The following PCDHA5 variants were observed in gnomAD, a reference collection of about 807,000 sequenced individuals.
PCDHA5 encodes the protein protocadherin alpha-5.
PCDHA5 carries 43 observed loss-of-function variants against 61.6 expected under a neutral mutation model. That is an observed-to-expected ratio of 0.70 (90% CI 0.55 to 0.90). The LOEUF is 0.90. Among genes scored for constraint, PCDHA5 ranks in the 40% least tolerant of loss-of-function variants. The pLI, the probability that PCDHA5 is intolerant of heterozygous loss-of-function variation, is 0.00. For missense variants in PCDHA5, 1,298 were observed against 1,222.7 expected (o/e 1.06, Z -0.92); for synonymous variants, 627 against 543.9 (o/e 1.15, Z -2.13).
chr5:140,829,961 G>T, intron 1 of PCDHA5: 2 of 1,613,994 alleles, frequency 1.2e-6, no homozygotes, highest in Non-Finnish European at 1.7e-6. Flanking sequence ...CCCGTTTCGC[G>T]TGGGGCTGTA....
intron 1 of PCDHA5, chr5:140,828,380 G>A: frequency 6.2e-7 from 1 of 1,603,638 alleles, no homozygotes; most frequent in South Asian, 1.1e-5. Flanking sequence ...GGAGCTGTGC[G>A]GGCGGAGCGC....
chr5:140,983,588 C>G (rs530448589), intron 3 of PCDHA5, among the ~76,000 whole-genome samples: 1 of 152,152 alleles, frequency 6.6e-6, no homozygotes, highest in African/African-American at 2.4e-5. Context: ...TACATCTATT[C>G]TACATATGAG....
chr5:140,939,340 A>G (rs1337369012), intron 1 of PCDHA5, among the ~76,000 whole-genome samples: 1 of 152,178 alleles, frequency 6.6e-6, no homozygotes, highest in Non-Finnish European at 1.5e-5. Flanking sequence ...AGGGGTTAGC[A>G]TTTCAACTTA....
chr5:140,853,365 G>C (rs2150531166), intron 1 of PCDHA5: 504,759 of 981,110 alleles, frequency 0.51, 151,971 homozygotes, highest in South Asian at 0.62. Flanking sequence ...CAGGGATCCA[G>C]AGATGGTAAA....
At chr5:140,877,995 T>A in intron 1 of PCDHA5, 1 of 1,054,404 alleles carries the variant, frequency 9.5e-7, no homozygotes. Context: ...AACTTTTATG[T>A]ATTTGTCTAA....
At chr5:140,827,212 TAAAGG>T (rs2150084173) in intron 1 of PCDHA5, among the ~76,000 whole-genome samples, 1 of 152,096 alleles carries the variant, frequency 6.6e-6, no homozygotes, top group Admixed American at 6.5e-5. Flanking sequence ...TGAGAACAAT[TAAAGG>T]AAAGGATATG....
At chr5:140,968,353 C>A (rs1377792748) in intron 1 of PCDHA5, 1 of 1,614,106 alleles carries the variant, frequency 6.2e-7, no homozygotes, top group Non-Finnish European at 8.5e-7. Context: ...GTGCCAGTGG[C>A]AGCCTTTATG....
intron 1 of PCDHA5, among the ~76,000 whole-genome samples, chr5:140,914,386 G>A (rs565819670): frequency 2.6e-5 from 4 of 152,216 alleles, no homozygotes; most frequent in East Asian, 1.9e-4. Flanking sequence ...TGTTATAAGT[G>A]TAGTTACCCC....
At position 140,978,952 on chromosome 5, in the gene PCDHA5, C is replaced by T. The variant is rs374951627; in HGVS notation, c.2356C>T (p.Arg786Ter). Residue 786 changes from arginine (R) to a stop codon, truncating the protein, a stop_gained, in exon 2 of 4, where the codon CGA (arginine) becomes TGA (stop). Coordinates refer to ENST00000529859, the MANE Select transcript of PCDHA5 (RefSeq NM_018908.3). LOFTEE classifies it high-confidence loss of function. ...PQGPTSTDNP[R>*]QPNPDWRYSA... ...AACTCTCTTTGTGATTTTGCAGCCA[C>T]GACAGCCCAACCCTGACTGGCGTTA... is the stretch of plus-strand genomic sequence containing the variant. 5.0e-6 allele frequency: 8 copies of T among 1,614,018 alleles called. No individual in the cohort carries two copies. The highest frequency in any genetic ancestry group is 2.2e-5 in the South Asian group (2 of 91,070).
At chr5:140,966,741 G>A in intron 1 of PCDHA5, 1 of 1,421,320 alleles carries the variant, frequency 7.0e-7, no homozygotes, top group Non-Finnish European at 9.1e-7. Context: ...GGCCCTGCCC[G>A]GCTGCCTCCG....
At position 140,821,905 on chromosome 5, in the gene PCDHA5, G is replaced by T. The variant is rs2150111828; in HGVS notation, c.130G>T (p.Val44Phe). Residue 44 changes from valine to phenylalanine, a missense_variant, in exon 1 of 4, where the codon GTT becomes TTT. Transcript: ENST00000529859. Reference sequence around the variant, plus strand: ...GGAGGAAGCCAAACACGGAACCTTCGTTGGCCGCATCGCGCAGGACCTAGG... The same window carrying T: ...GGAGGAAGCCAAACACGGAACCTTCTTTGGCCGCATCGCGCAGGACCTAGG... The part of the protein sequence containing the change: ...IPEEAKHGTF[V>F]GRIAQDLGLE... 1 of 1,614,238 alleles carries T rather than the reference G, an allele frequency of 6.2e-7. No homozygotes were observed. The highest frequency in any genetic ancestry group is 8.5e-7 in the Non-Finnish European group (1 of 1,180,040).
chr5:140,994,272 CT>C (rs1359828811), intron 3 of PCDHA5, among the ~76,000 whole-genome samples: 4 of 152,168 alleles, frequency 2.6e-5, no homozygotes, highest in African/African-American at 9.7e-5. Flanking sequence ...GCTAGGCTGC[CT>C]TTCTTGAGAC....
chr5:140,983,665 A>G (rs1161885514), intron 3 of PCDHA5, among the ~76,000 whole-genome samples: 3 of 152,248 alleles, frequency 2.0e-5, no homozygotes, highest in Non-Finnish European at 4.4e-5. Flanking sequence ...GGCAGAGGGT[A>G]GGATTCAAAC....
chr5:140,968,257 T>A (rs781932747), intron 1 of PCDHA5: 1 of 1,614,064 alleles, frequency 6.2e-7, no homozygotes, highest in Non-Finnish European at 8.5e-7. Flanking sequence ...CAGACCCAGA[T>A]GAAAAGGAGA....
chr5:140,886,558 T>G (rs535461538), intron 1 of PCDHA5, among the ~76,000 whole-genome samples: 1 of 152,202 alleles, frequency 6.6e-6, no homozygotes, highest in South Asian at 2.1e-4. Flanking sequence ...CTGGGCACGG[T>G]GGCTCACGCC....
At chr5:140,863,405 C>T (rs1554158176) in intron 1 of PCDHA5, 11 of 799,522 alleles carry the variant, frequency 1.4e-5, no homozygotes, top group Non-Finnish European at 2.3e-5. Context: ...GGCAAGCCCA[C>T]GCTGGTGTAC....
At chr5:140,849,522 G>A in intron 1 of PCDHA5, 2 of 1,597,478 alleles carry the variant, frequency 1.3e-6, no homozygotes, top group Middle Eastern at 1.7e-4. Context: ...AGTTGTGGAT[G>A]TAAATGACAA....
chr5:140,856,580 G>A lies in PCDHA5; in HGVS notation c.2352+32453G>A, dbSNP rs537848812. 23 of 1,597,760 alleles carry A rather than the reference G, an allele frequency of 1.4e-5. 2 individuals carry two copies. In the South Asian group the frequency reaches 2.5e-4, roughly 18 times the overall value. On this transcript the variant is annotated intron_variant, in intron 1 of 3. Coordinates refer to ENST00000529859, the MANE Select transcript of PCDHA5 (RefSeq NM_018908.3). ...CAAACTCAGTCCAAATGAGTATTTT[G>A]TTCTTGATATTATAAACAAAAAAGA...
At chr5:140,991,447 C>T (rs1554252191) in intron 3 of PCDHA5, among the ~76,000 whole-genome samples, 1 of 152,162 alleles carries the variant, frequency 6.6e-6, no homozygotes, top group African/African-American at 2.4e-5. Context: ...TGGCTTAAAA[C>T]AACACAATGT....
Sources: allele counts gnomAD v4.1 joint callset (sites outside exome capture counted in the v4.1 genomes callset), GRCh38; gene constraint gnomAD v4.1.1; transcripts MANE v1.5; gene names NCBI Gene and HGNC (gene_info 2026-07-23, HGNC 2026-07-21).